Variants in ASCC2 observed in about 807,000 individuals in gnomAD.
The protein encoded by ASCC2 is ASC-1 complex subunit P100.
ASCC2 carries 42 observed loss-of-function variants against 93.5 expected under a neutral mutation model. The observed-to-expected ratio is 0.45, with a 90% CI of 0.35 to 0.58. The LOEUF (loss-of-function observed/expected upper bound fraction) is 0.58, where lower values mean the gene tolerates loss of function less well. Ranked by LOEUF, ASCC2 falls within the 20% of genes least tolerant of loss-of-function variation. The pLI, the probability that ASCC2 is intolerant of heterozygous loss-of-function variation, is 0.00. For missense variants in ASCC2, 859 were observed against 977.6 expected (o/e 0.88, Z 1.62); for synonymous variants, 364 against 384.2 (o/e 0.95, Z 0.62).
chr22:29,812,774 A>C (rs1441682877), intron 8 of ASCC2, among the ~76,000 whole-genome samples: 1 of 152,066 alleles, frequency 6.6e-6, no homozygotes, highest in Non-Finnish European at 1.5e-5. Context: ...CTGTTCCTTC[A>C]AGACATCCTT....
At chr22:29,832,912 T>C (rs1023902253) in intron 1 of ASCC2, among the ~76,000 whole-genome samples, 2 of 152,152 alleles carry the variant, frequency 1.3e-5, no homozygotes, top group South Asian at 2.1e-4. Flanking sequence ...AGCTAATTTT[T>C]TAATTTTTTG....
intron 15 of ASCC2, among the ~76,000 whole-genome samples, chr22:29,798,036 G>A (rs570175406): frequency 6.6e-5 from 10 of 152,234 alleles, no homozygotes; most frequent in African/African-American, 2.4e-4. Flanking sequence ...CAAAGTGCAG[G>A]GATTACAGCC....
intron 18 of ASCC2, among the ~76,000 whole-genome samples, chr22:29,791,904 G>A (rs9625859): frequency 6.6e-6 from 1 of 152,202 alleles, no homozygotes; most frequent in African/African-American, 2.4e-5. Flanking sequence ...CCTGGCCCCA[G>A]AAACATCTGA....
At chr22:29,805,965 G>A (rs1371932580) in intron 12 of ASCC2, among the ~76,000 whole-genome samples, 1 of 151,822 alleles carries the variant, frequency 6.6e-6, no homozygotes, top group Non-Finnish European at 1.5e-5. Flanking sequence ...GTCCATCTTG[G>A]TCACATAGGC....
chr22:29,821,033 CA>C (rs1398444187), intron 5 of ASCC2, among the ~76,000 whole-genome samples: 4 of 152,144 alleles, frequency 2.6e-5, no homozygotes, highest in African/African-American at 9.7e-5. Context: ...GGAGAGCTGG[CA>C]AGGGCGTCCA....
intron 15 of ASCC2, among the ~76,000 whole-genome samples, chr22:29,796,505 G>A (rs994661915): frequency 6.6e-6 from 1 of 152,142 alleles, no homozygotes; most frequent in African/African-American, 2.4e-5. Flanking sequence ...CTGTAGGAAG[G>A]GGTAATGGAG....
At position 29,814,641 on chromosome 22, in the gene ASCC2, C is replaced by A. The variant is rs369971561; in HGVS notation, c.720+16G>T. 57 of 1,579,878 alleles carry A rather than the reference C, an allele frequency of 3.6e-5. No homozygotes were observed. The highest frequency in any genetic ancestry group is 3.5e-4 in the South Asian group (30 of 85,650). On this transcript the variant is annotated intron_variant, in intron 7 of 19. Transcript: ENST00000307790. Reference sequence around the variant, plus strand: ...GGACCCGGCAGGAAAGAGACTGGGCCGAAGGGCAACCTTACCAGGAGAGGC... The same window carrying A: ...GGACCCGGCAGGAAAGAGACTGGGCAGAAGGGCAACCTTACCAGGAGAGGC...
intron 9 of ASCC2, among the ~76,000 whole-genome samples, 163 bp from the exon 10 acceptor site, chr22:29,807,067 C>T (rs1416332572): frequency 1.3e-5 from 2 of 151,826 alleles, no homozygotes; most frequent in East Asian, 1.9e-4. Flanking sequence ...AAGTGAAATC[C>T]TGTCTCTACA....
intron 13 of ASCC2, among the ~76,000 whole-genome samples, chr22:29,803,604 C>G (rs892612048): frequency 2.0e-5 from 3 of 152,214 alleles, no homozygotes; most frequent in Non-Finnish European, 4.4e-5. Context: ...ACATCAACCA[C>G]CAGAGCTGGA....
intron 8 of ASCC2, among the ~76,000 whole-genome samples, chr22:29,810,536 A>T (rs186430744): frequency 6.6e-6 from 1 of 152,216 alleles, no homozygotes; most frequent in Admixed American, 6.5e-5. Flanking sequence ...AGTTTGGCCT[A>T]AACAGGTTCA....
chr22:29,801,164 C>A, intron 14 of ASCC2, 54 bp from the exon 15 acceptor site: 2 of 1,549,902 alleles, frequency 1.3e-6, no homozygotes, highest in Admixed American at 1.8e-5. Flanking sequence ...CTGATGCAAT[C>A]TGCACCCCAC....
chr22:29,797,207 C>A (rs1825499439), intron 15 of ASCC2, among the ~76,000 whole-genome samples: 1 of 152,176 alleles, frequency 6.6e-6, no homozygotes, highest in Non-Finnish European at 1.5e-5. Context: ...CTGCAGAGAC[C>A]CTCTGGAGCA....
chr22:29,789,269 A>C, intron 19 of ASCC2, 85 bp from the exon 20 acceptor site: 1 of 1,506,772 alleles, frequency 6.6e-7, no homozygotes, highest in Non-Finnish European at 9.2e-7. Flanking sequence ...CTTGGTGTTC[A>C]CTGGGAGAGG....
At position 29,788,756 on chromosome 22, in the gene ASCC2, C is replaced by T. The variant is rs2068461376; in HGVS notation, c.*257G>A. On this transcript the variant is annotated 3_prime_UTR_variant, in exon 20 of 20. Coordinates refer to ENST00000307790, the MANE Select transcript of ASCC2 (RefSeq NM_032204.5). ...TGGGACTCCATCCCCATCTCTTTCCCGCTAGCGCAGCTGGGGGAAGGTGCC... is the reference window on the plus strand; with the variant it reads ...TGGGACTCCATCCCCATCTCTTTCCTGCTAGCGCAGCTGGGGGAAGGTGCC... 3.9e-6 allele frequency: 2 copies of T among 514,554 alleles called. No individual in the cohort carries two copies. The highest frequency in any genetic ancestry group is 4.5e-5 in the South Asian group (2 of 44,622). 31.9% of individuals were successfully genotyped at this position (514,554 alleles called of 1,614,324 possible). A position where few individuals can be genotyped will look rare whatever the true frequency, so the allele number is the denominator to read the frequency against.
chr22:29,799,202 G>T, intron 15 of ASCC2: 1 of 152,386 alleles, frequency 6.6e-6, no homozygotes, highest in African/African-American at 2.4e-5. Flanking sequence ...TACCAATCAG[G>T]CTTCCTGGAT....
chr22:29,801,545 C>T (rs553809737), intron 14 of ASCC2, among the ~76,000 whole-genome samples: 3 of 152,318 alleles, frequency 2.0e-5, no homozygotes, highest in South Asian at 2.1e-4. Flanking sequence ...AACACCCTTT[C>T]GGGCACTGGT....
At chr22:29,832,587 CT>C (rs375947944) in intron 1 of ASCC2, 11,059 of 199,986 alleles carry the variant, frequency 0.055, 2 homozygotes, top group South Asian at 0.12. Flanking sequence ...TTTCCACCCA[CT>C]TTTTTTTTTT....
Position 29,815,997 on chromosome 22 carries a change from A to G in ASCC2, c.609+9T>C. The G allele has an allele frequency of 6.3e-7, 1 of 1,582,184 alleles. No individual in the cohort carries two copies. Among genetic ancestry groups the G allele is most frequent in the African/African-American group, 1.3e-5 (1 of 74,678 alleles). ...TCAACCTCCCCTGCGCAGGGCCAAG[A>G]GCTGGTACCTGAAGGATGGTAGGCA... On this transcript the variant is annotated intron_variant, in intron 6 of 19. Coordinates refer to ENST00000307790, the MANE Select transcript of ASCC2 (RefSeq NM_032204.5).
At chr22:29,824,182 A>G (rs966222232) in intron 4 of ASCC2, among the ~76,000 whole-genome samples, 1 of 150,250 alleles carries the variant, frequency 6.7e-6, no homozygotes, top group Non-Finnish European at 1.5e-5. Flanking sequence ...GAGATTCTCT[A>G]AAAACAAAGA....
Sources: gnomAD v4.1 joint callset for allele counts (sites outside exome capture counted in the v4.1 genomes callset) on GRCh38, gnomAD v4.1.1 for gene constraint, MANE v1.5 for transcripts, NCBI Gene and HGNC (gene_info 2026-07-23, HGNC 2026-07-21) for gene names.